ELMO1: variants seen among roughly 807,000 people sequenced by gnomAD.
ELMO1 encodes engulfment and cell motility protein 1.
In ELMO1, 26 loss-of-function variants were observed where a neutral mutation model predicts 98.9. The ratio of observed to expected loss-of-function variants is 0.26; its 90% CI spans 0.19 to 0.36. The LOEUF is 0.36. Among genes scored for constraint, ELMO1 ranks in the 10% least tolerant of loss-of-function variants. The probability of loss-of-function intolerance (pLI) is 1.00; values close to 1 mark genes in which losing one functional copy is unlikely to be tolerated. For synonymous variants in ELMO1, 346 were observed against 346.0 expected, an observed-to-expected ratio of 1.00 and a Z score of 0.00; for missense variants, 627 against 935.2, an observed-to-expected ratio of 0.67 and a Z score of 4.30.
chr7:36,954,995 A>G (rs1000562955), intron 16 of ELMO1, among the ~76,000 whole-genome samples: 1 of 152,224 alleles, frequency 6.6e-6, no homozygotes, highest in Non-Finnish European at 1.5e-5. Flanking sequence ...GTTGTAACAA[A>G]GCTAAATTCT....
intron 14 of ELMO1, among the ~76,000 whole-genome samples, chr7:37,097,212 A>C (rs1784406275): frequency 6.6e-6 from 1 of 152,190 alleles, no homozygotes. Context: ...ATGATGGACC[A>C]ATCACAGTCC....
intron 19 of ELMO1, among the ~76,000 whole-genome samples, chr7:36,871,821 C>A (rs77457100): frequency 0.025 from 3,752 of 152,178 alleles, 109 homozygotes; most frequent in South Asian, 0.13. Context: ...AATATTAAAA[C>A]AATACACAAG....
At chr7:37,131,762 A>C (rs542117090) in intron 14 of ELMO1, among the ~76,000 whole-genome samples, 1 of 152,354 alleles carries the variant, frequency 6.6e-6, no homozygotes, top group Non-Finnish European at 1.5e-5. Flanking sequence ...CAAACACCTG[A>C]TCCCAAACCT....
intron 15 of ELMO1, among the ~76,000 whole-genome samples, chr7:37,046,083 T>C (rs1431424307): frequency 2.0e-5 from 3 of 152,094 alleles, no homozygotes; most frequent in Non-Finnish European, 4.4e-5. Flanking sequence ...ATAATCACCA[T>C]ATCCACCTTT....
At chr7:37,078,594 T>G (rs1400708836) in intron 15 of ELMO1, among the ~76,000 whole-genome samples, 1 of 152,202 alleles carries the variant, frequency 6.6e-6, no homozygotes. Flanking sequence ...TTTCTAGGGG[T>G]TAATTTGGTA....
chr7:37,255,566 A>G (rs1795594932), intron 6 of ELMO1, among the ~76,000 whole-genome samples: 1 of 152,194 alleles, frequency 6.6e-6, no homozygotes, highest in African/African-American at 2.4e-5. Context: ...GAGGGGCTCC[A>G]CCACAGGCCC....
At chr7:37,037,690 T>A (rs979227947) in intron 15 of ELMO1, among the ~76,000 whole-genome samples, 1 of 152,146 alleles carries the variant, frequency 6.6e-6, no homozygotes, top group African/African-American at 2.4e-5. Flanking sequence ...AAGTTTTGTA[T>A]CAGAACTCAC....
chr7:37,420,372 T>C (rs1463684441), intron 1 of ELMO1, among the ~76,000 whole-genome samples: 1 of 152,232 alleles, frequency 6.6e-6, no homozygotes, highest in Non-Finnish European at 1.5e-5. Context: ...CTTCAGAGCC[T>C]TCCACTTGAC....
At chr7:37,243,283 G>A (rs913183581) in intron 7 of ELMO1, among the ~76,000 whole-genome samples, 1 of 152,156 alleles carries the variant, frequency 6.6e-6, no homozygotes, top group Non-Finnish European at 1.5e-5. Flanking sequence ...AGTAGATGGG[G>A]AGAAAGTAAG....
intron 15 of ELMO1, among the ~76,000 whole-genome samples, chr7:37,066,680 G>T (rs1333846938): frequency 6.6e-6 from 1 of 152,144 alleles, no homozygotes; most frequent in Admixed American, 6.6e-5. Context: ...TGAGATGATG[G>T]ATATGCTAAT....
chr7:36,912,819 C>T (rs564571763), intron 16 of ELMO1, among the ~76,000 whole-genome samples: 10 of 152,150 alleles, frequency 6.6e-5, no homozygotes, highest in South Asian at 2.1e-4. Flanking sequence ...AGCATAGTTA[C>T]GAATATTAAA....
At chr7:37,108,829 C>A (rs568500273) in intron 14 of ELMO1, among the ~76,000 whole-genome samples, 10 of 152,174 alleles carry the variant, frequency 6.6e-5, no homozygotes, top group Non-Finnish European at 1.5e-4. Context: ...GTGAGGCTGG[C>A]AGTGCCCACA....
At position 37,096,705 on chromosome 7, in the gene ELMO1, C is replaced by CGACTACTG; in HGVS notation, c.1206_1213dup (p.Arg405ProfsTer17). On this transcript the variant is annotated frameshift_variant, in exon 15 of 22. Coordinates refer to ENST00000310758, the MANE Select transcript of ELMO1 (RefSeq NM_014800.11). LOFTEE classifies it high-confidence loss of function. Reference sequence around the variant, plus strand: ...AAAGGGACATTCATGCTTGTCTTCTCGACTACTGTTCTCAAGCACAATCTG... The same window carrying CGACTACTG: ...AAAGGGACATTCATGCTTGTCTTCTCGACTACTGGACTACTGTTCTCAAGCACAATCTG... The CGACTACTG allele has an allele frequency of 6.2e-7, 1 of 1,614,038 alleles. No homozygotes were observed.
At chr7:37,048,419 T>C (rs1795920121) in intron 15 of ELMO1, among the ~76,000 whole-genome samples, 1 of 152,246 alleles carries the variant, frequency 6.6e-6, no homozygotes, top group Admixed American at 6.5e-5. Flanking sequence ...TCCAATTCTT[T>C]CATAAGACAG....
chr7:37,131,009 C>G (rs1265569895), intron 14 of ELMO1, among the ~76,000 whole-genome samples: 2 of 152,084 alleles, frequency 1.3e-5, no homozygotes, highest in African/African-American at 4.8e-5. Flanking sequence ...GCTCATGAAT[C>G]AAAATTTAAT....
intron 13 of ELMO1, among the ~76,000 whole-genome samples, chr7:37,200,183 C>T (rs569128066): frequency 6.6e-6 from 1 of 152,212 alleles, no homozygotes; most frequent in East Asian, 1.9e-4. Flanking sequence ...AAGAGATCCT[C>T]CTGCCTCAGC....
chr7:37,388,034 A>G (rs902211858), intron 1 of ELMO1, among the ~76,000 whole-genome samples: 2 of 151,978 alleles, frequency 1.3e-5, no homozygotes, highest in South Asian at 2.1e-4. Flanking sequence ...GGATCTCCCT[A>G]TGTTGCCTGC....
intron 20 of ELMO1, among the ~76,000 whole-genome samples, chr7:36,864,721 C>T (rs1414240174): frequency 6.6e-6 from 1 of 152,208 alleles, no homozygotes; most frequent in Non-Finnish European, 1.5e-5. Flanking sequence ...CCCCTCAGGG[C>T]CTACTTGCCT....
intron 13 of ELMO1, among the ~76,000 whole-genome samples, chr7:37,180,973 A>T (rs908971583): frequency 6.6e-6 from 1 of 152,186 alleles, no homozygotes; most frequent in Non-Finnish European, 1.5e-5. Flanking sequence ...TTAAAATCAT[A>T]TCAAAATAGA....
Sources: gnomAD v4.1 joint callset for allele counts (sites outside exome capture counted in the v4.1 genomes callset) on GRCh38, gnomAD v4.1.1 for gene constraint, MANE v1.5 for transcripts, NCBI Gene and HGNC (gene_info 2026-07-23, HGNC 2026-07-21) for gene names.